Variants in ATL3 observed in about 807,000 individuals in gnomAD.
ATL3 encodes the protein atlastin-3.
In ATL3, 49 loss-of-function variants were observed where a neutral mutation model predicts 69.5. The ratio of observed to expected loss-of-function variants is 0.71; its 90% CI spans 0.56 to 0.89. ATL3 has a LOEUF of 0.89. Ranked by LOEUF, ATL3 falls within the 40% of genes least tolerant of loss-of-function variation. The pLI, the probability that ATL3 is intolerant of heterozygous loss-of-function variation, is 0.00. For missense variants in ATL3, 606 were observed against 645.7 expected, an observed-to-expected ratio of 0.94 and a Z score of 0.67; for synonymous variants, 214 against 224.1, an observed-to-expected ratio of 0.95 and a Z score of 0.40.
intron 9 of ATL3, among the ~76,000 whole-genome samples, chr11:63,635,986 T>C (rs1469470180): frequency 6.7e-6 from 1 of 150,248 alleles, no homozygotes; most frequent in African/African-American, 2.5e-5. Flanking sequence ...TCACAGCTAA[T>C]TGCTCCTCTA....
At chr11:63,658,570 C>T (rs1940328019) in intron 3 of ATL3, among the ~76,000 whole-genome samples, 191 bp downstream of exon 3, 2 of 152,334 alleles carry the variant, frequency 1.3e-5, no homozygotes, top group South Asian at 4.1e-4. Flanking sequence ...CTTCGCATAC[C>T]TGTGTCAGAA....
intron 8 of ATL3, among the ~76,000 whole-genome samples, chr11:63,639,554 G>A (rs1320987287): frequency 1.3e-5 from 2 of 152,078 alleles, no homozygotes; most frequent in African/African-American, 4.8e-5. Flanking sequence ...AGGAGTTCGA[G>A]ACCAGCCTGG....
Position 63,643,340 on chromosome 11 carries a change from TA to T in ATL3, c.850+16del. The T allele has an allele frequency of 6.4e-7, 1 of 1,567,442 alleles. No homozygotes were observed. The highest frequency in any genetic ancestry group is 8.6e-7 in the Non-Finnish European group (1 of 1,159,378). ...CAAAGATCGAATCACAGGTTTAAAA[TA>T]ACACCTGGAACACACCTTTTAATTT... On this transcript the variant is annotated intron_variant, in intron 8 of 12. Coordinates refer to ENST00000398868, the MANE Select transcript of ATL3 (RefSeq NM_015459.5).
rs200016062 is a variant in ATL3, at chr11:63,658,886, T to C, written c.280A>G (p.Asn94Asp). 2.5e-5 allele frequency: 40 copies of C among 1,603,904 alleles called. No individual in the cohort carries two copies. In the Middle Eastern group the frequency reaches 1.8e-3, roughly 73 times the overall value. ...LYSQKESGHS[N>D]WLGDPEEPLT... ...GGTTCTTCTGGGTCACCCAACCAAT[T>C]TGAATGGCCACTTTCCTTCTACAGA... is the stretch of plus-strand genomic sequence containing the variant. The change falls in exon 3 of 13, where the codon AAT becomes GAT. Residue 94 changes from asparagine to aspartate, a missense_variant. By Grantham distance (23) the Asn-to-Asp change is conservative. Transcript: ENST00000398868.
intron 5 of ATL3, among the ~76,000 whole-genome samples, chr11:63,648,976 C>A (rs1434412956): frequency 2.6e-5 from 4 of 151,914 alleles, no homozygotes; most frequent in African/African-American, 9.7e-5. Context: ...AAAAAATTAG[C>A]CGGGTGTGGT....
At chr11:63,649,216 A>C (rs968520979) in intron 5 of ATL3, among the ~76,000 whole-genome samples, 1 of 152,246 alleles carries the variant, frequency 6.6e-6, no homozygotes, top group Non-Finnish European at 1.5e-5. Flanking sequence ...AGCTTTTTAT[A>C]GGCTTATTTA....
intron 8 of ATL3, among the ~76,000 whole-genome samples, chr11:63,638,761 ATTAC>A (rs1479327462): frequency 6.6e-6 from 1 of 152,160 alleles, no homozygotes; most frequent in Non-Finnish European, 1.5e-5. Context: ...ATTCTAGCTA[ATTAC>A]TTCAAGAAAC....
chr11:63,641,126 C>T (rs1335292579), intron 8 of ATL3, among the ~76,000 whole-genome samples: 1 of 152,100 alleles, frequency 6.6e-6, no homozygotes, highest in Non-Finnish European at 1.5e-5. Flanking sequence ...TCTTTTTGGA[C>T]TTGCCTTTTC....
intron 6 of ATL3, among the ~76,000 whole-genome samples, chr11:63,646,249 A>C (rs574993110): frequency 4.4e-4 from 67 of 152,346 alleles, no homozygotes; most frequent in African/African-American, 1.5e-3. Flanking sequence ...CGTCACAGAC[A>C]GTACAAAGAC....
At chr11:63,670,399 CT>C (rs1371160015) in intron 1 of ATL3, 1 of 152,152 alleles carries the variant, frequency 6.6e-6, no homozygotes, top group African/African-American at 2.4e-5. Context: ...CGTTCCATTG[CT>C]TCGTATTTGA....
intron 11 of ATL3, chr11:63,632,819 TTCAAA>T: frequency 1.4e-6 from 1 of 714,372 alleles, no homozygotes; most frequent in South Asian, 1.9e-5. Context: ...CTATTTGCTA[TTCAAA>T]ACAAAACAAA....
intron 5 of ATL3, 91 bp from the exon 6 acceptor site, chr11:63,646,654 G>GA: frequency 2.6e-6 from 2 of 766,320 alleles, no homozygotes; most frequent in Non-Finnish European, 4.3e-6. Flanking sequence ...TATTTATACT[G>GA]ATACCAGACT....
intron 3 of ATL3, among the ~76,000 whole-genome samples, chr11:63,653,451 C>T (rs1011129877): frequency 3.3e-5 from 5 of 150,590 alleles, no homozygotes; most frequent in Non-Finnish European, 5.9e-5. Context: ...GGTGAGAGAG[C>T]GAGATTTTGT....
chr11:63,640,467 T>C (rs1399272089), intron 8 of ATL3, among the ~76,000 whole-genome samples: 1 of 151,692 alleles, frequency 6.6e-6, no homozygotes, highest in Non-Finnish European at 1.5e-5. Context: ...TTTTTTTTTT[T>C]TTAGCGATGG....
At chr11:63,660,943 G>C (rs188737247) in intron 1 of ATL3, among the ~76,000 whole-genome samples, 1 of 151,994 alleles carries the variant, frequency 6.6e-6, no homozygotes, top group Non-Finnish European at 1.5e-5. Flanking sequence ...GCCAGGCTCA[G>C]TGGCTCACAT....
chr11:63,661,946 C>G (rs1225091707), intron 1 of ATL3, among the ~76,000 whole-genome samples: 1 of 151,546 alleles, frequency 6.6e-6, no homozygotes, highest in Non-Finnish European at 1.5e-5. Context: ...GACATGGTGG[C>G]TCACACCTGT....
rs530377338 is a variant in ATL3, at chr11:63,632,308, G to A, written c.1107+718C>T. On this transcript the variant is annotated intron_variant, in intron 11 of 12. Transcript: ENST00000398868. ...TATAGCTCACTGTGCTTCTGAATAC[G>A]TTGGTGGTGTTGTCATGTGTTCTGG... is the stretch of plus-strand genomic sequence containing the variant. 1.1e-4 allele frequency: 88 copies of A among 781,876 alleles called. No homozygotes were observed. In the African/African-American group the frequency reaches 1.3e-3, roughly 11 times the overall value. 48.4% of individuals were successfully genotyped at this position (781,876 alleles called of 1,614,324 possible).
chr11:63,659,233 G>C lies in ATL3; in HGVS notation c.66C>G (p.Ser22Arg), dbSNP rs767652941. The change falls in exon 2 of 13, where the codon AGC becomes AGG. Residue 22 changes from serine (S) to arginine (R), a missense_variant. Coordinates refer to ENST00000398868, the MANE Select transcript of ATL3 (RefSeq NM_015459.5). ...SRGADDAMES[S>R]KPGPVQVVLV... ...AAACAACCTGCACTGGACCAGGCTT[G>C]CTGCTCTCCATGGCATCATCTATGT... The C allele has an allele frequency of 6.8e-6, 11 of 1,614,070 alleles. No individual in the cohort carries two copies. Among genetic ancestry groups the C allele is most frequent in the South Asian group, 2.2e-5 (2 of 91,076 alleles).
chr11:63,654,840 G>A (rs1197725397), intron 3 of ATL3, among the ~76,000 whole-genome samples: 1 of 150,420 alleles, frequency 6.6e-6, no homozygotes, highest in Non-Finnish European at 1.5e-5. Context: ...GGGATTACAG[G>A]TGCACACCAC....
Sources: allele counts gnomAD v4.1 joint callset (sites outside exome capture counted in the v4.1 genomes callset), GRCh38; gene constraint gnomAD v4.1.1; transcripts MANE v1.5; gene names NCBI Gene and HGNC (gene_info 2026-07-23, HGNC 2026-07-21).